Variants in KTN1 observed in about 807,000 individuals in gnomAD.
KTN1 encodes the protein kinectin.
Under a neutral mutation model 222.5 loss-of-function variants are expected in KTN1, and 130 were observed. That is an observed-to-expected ratio of 0.58 (90% CI 0.51 to 0.68). KTN1 has a LOEUF of 0.68. KTN1 is among the 30% of genes least tolerant of loss of function. The pLI, the probability that KTN1 is intolerant of heterozygous loss-of-function variation, is 0.00. For synonymous variants in KTN1, 512 were observed against 496.3 expected (o/e 1.03, Z -0.42); for missense variants, 1,508 against 1,500.4 (o/e 1.01, Z -0.08).
rs186747674 is a variant in KTN1 at position 55,636,148 on chromosome 14, A to G, written c.1462-301A>G. ...GGTTAGTGGGAAACAGGTTATTGCT[A>G]AGTGGATCAGATGTATATAGTAGTA... is the stretch of plus-strand genomic sequence containing the variant. On this transcript the variant is annotated intron_variant, in intron 9 of 43. Coordinates refer to ENST00000395314, the MANE Select transcript of KTN1 (RefSeq NM_001079521.2). Among the ~76,000 whole-genome samples, 66 of 152,334 alleles carry G rather than the reference A, an allele frequency of 4.3e-4. No individual in the cohort carries two copies. In the East Asian group the frequency reaches 0.012, roughly 28 times the overall value.
chr14:55,669,555 C>T (rs1047303459), intron 34 of KTN1, among the ~76,000 whole-genome samples: 1 of 151,716 alleles, frequency 6.6e-6, no homozygotes, highest in African/African-American at 2.4e-5. Flanking sequence ...TTTACTGTTT[C>T]CTCTTGCTGT....
chr14:55,633,639 TAATA>T (rs2040780966), intron 8 of KTN1, among the ~76,000 whole-genome samples: 1 of 151,958 alleles, frequency 6.6e-6, no homozygotes, highest in African/African-American at 2.4e-5. Flanking sequence ...ATAAACTATG[TAATA>T]AATACTAGTA....
At chr14:55,662,415 T>A (rs1301705508) in intron 32 of KTN1, among the ~76,000 whole-genome samples, 1 of 152,124 alleles carries the variant, frequency 6.6e-6, no homozygotes, top group Non-Finnish European at 1.5e-5. Context: ...TTTTGGTAAT[T>A]AAGTGTGTTA....
Position 55,684,192 on chromosome 14 carries a change from C to T in KTN1, c.*89C>T. Reference sequence around the variant, plus strand: ...AGCCTTATTTATGTTTTCACCCTTTCTACTTTGTCAGAAACACTGAACAGA... The same window carrying T: ...AGCCTTATTTATGTTTTCACCCTTTTTACTTTGTCAGAAACACTGAACAGA... On this transcript the variant is annotated 3_prime_UTR_variant, in exon 44 of 44. Coordinates refer to ENST00000395314, the MANE Select transcript of KTN1 (RefSeq NM_001079521.2). 3 of 1,011,960 alleles carry T rather than the reference C, an allele frequency of 3.0e-6. No individual in the cohort carries two copies. The highest frequency in any genetic ancestry group is 4.5e-6 in the Non-Finnish European group (3 of 672,498). The allele number at this position is 1,011,960 out of a possible 1,614,324, so 62.7% of individuals were successfully genotyped here.
At chr14:55,609,002 A>G (rs2140559136) in intron 1 of KTN1, among the ~76,000 whole-genome samples, 1 of 151,904 alleles carries the variant, frequency 6.6e-6, no homozygotes, top group Middle Eastern at 3.4e-3. Context: ...TTGTTGGGTT[A>G]AAGGAATGCA....
chr14:55,612,651 A>C, intron 2 of KTN1, 80 bp downstream of exon 2: 1 of 1,147,886 alleles, frequency 8.7e-7, no homozygotes, highest in Non-Finnish European at 1.2e-6. Flanking sequence ...AGGTACATAC[A>C]CAGAATGTTT....
At position 55,673,269 on chromosome 14, in the gene KTN1, C is replaced by G. The variant is rs759757139; in HGVS notation, c.3771+14C>G. The G allele has an allele frequency of 3.2e-6, 5 of 1,553,708 alleles. No individual in the cohort carries two copies. The highest frequency in any genetic ancestry group is 4.4e-6 in the Non-Finnish European group (5 of 1,125,908). ...GAGCTAAATTTGGTAAGAAGCTTGT[C>G]CTCCACTGGGTATCAAGTAGGCACT... On this transcript the variant is annotated intron_variant, in intron 40 of 43. Transcript: ENST00000395314.
rs755295921 is a variant in KTN1, at chr14:55,650,462, A to G, written c.2496+44A>G. Reference sequence around the variant, plus strand: ...CTGTGTTTTATGTTTTTGTTTATCAACTTTAGTTAATATCATTTAATTTCG... The same window carrying G: ...CTGTGTTTTATGTTTTTGTTTATCAGCTTTAGTTAATATCATTTAATTTCG... On this transcript the variant is annotated intron_variant, in intron 23 of 43. Transcript: ENST00000395314. The G allele has an allele frequency of 7.2e-6, 11 of 1,532,610 alleles. No homozygotes were observed. The East Asian group carries it at 1.4e-4, about 19-fold the overall frequency. The allele number at this position is 1,532,610 out of a possible 1,614,324, so 94.9% of individuals were successfully genotyped here. A position where few individuals can be genotyped will look rare whatever the true frequency, so the allele number is the denominator to read the frequency against.
chr14:55,599,449 G>A (rs1369275942), intron 1 of KTN1, among the ~76,000 whole-genome samples: 4 of 151,936 alleles, frequency 2.6e-5, no homozygotes, highest in Non-Finnish European at 5.9e-5. Flanking sequence ...CAGGGCTTTT[G>A]TGGCCATTGA....
Position 55,673,236 on chromosome 14 carries a change from AGAAT to A in KTN1, c.3756_3759del (p.Asn1252LysfsTer3), listed in dbSNP as rs1280280673. On this transcript the variant is annotated frameshift_variant, in exon 40 of 44. Transcript: ENST00000395314. LOFTEE classifies it high-confidence loss of function. ...GATTCATATTCTGAAGCAGTAAGAC[AGAAT>A]GAAGAGCTAAATTTGGTAAGAAGCT... The A allele has an allele frequency of 3.1e-6, 5 of 1,611,654 alleles. No homozygotes were observed. Among genetic ancestry groups the A allele is most frequent in the Non-Finnish European group, 4.2e-6 (5 of 1,178,250 alleles).
chr14:55,684,227 T>C lies in KTN1; in HGVS notation c.*124T>C, dbSNP rs2046599773. The C allele has an allele frequency of 1.4e-6, 1 of 694,126 alleles. No homozygotes were observed. The highest frequency in any genetic ancestry group is 2.9e-5 in the East Asian group (1 of 34,148). 43.0% of individuals were successfully genotyped at this position (694,126 alleles called of 1,614,324 possible). On this transcript the variant is annotated 3_prime_UTR_variant, in exon 44 of 44. Transcript: ENST00000395314. ...AGAAACACTGAACAGAGTTTTGTCT[T>C]TTCTAATCCTTGTTAGACTACTGAT...
chr14:55,612,684 T>G, intron 2 of KTN1, 113 bp downstream of exon 2: 1 of 862,360 alleles, frequency 1.2e-6, no homozygotes, highest in Non-Finnish European at 1.7e-6. Flanking sequence ...GAAACCATGA[T>G]TATTCATTTC....
At chr14:55,634,139 A>C (rs1224159548) in intron 8 of KTN1, among the ~76,000 whole-genome samples, 1 of 152,170 alleles carries the variant, frequency 6.6e-6, no homozygotes, top group Non-Finnish European at 1.5e-5. Flanking sequence ...GTCTCAAAAA[A>C]AAAAGACACT....
intron 24 of KTN1, among the ~76,000 whole-genome samples, chr14:55,650,899 G>A (rs2042870242): frequency 6.6e-6 from 1 of 152,060 alleles, no homozygotes; most frequent in Non-Finnish European, 1.5e-5. Flanking sequence ...AATTACAAAT[G>A]AAACACGAAA....
At chr14:55,603,210 T>A (rs1401352337) in intron 1 of KTN1, among the ~76,000 whole-genome samples, 2 of 152,150 alleles carry the variant, frequency 1.3e-5, no homozygotes, top group African/African-American at 4.8e-5. Flanking sequence ...ATTTCTCCCA[T>A]CTTTAAAAAC....
At position 55,675,966 on chromosome 14, in the gene KTN1, G is replaced by A. The variant is rs370329702; in HGVS notation, c.3855+48G>A. ...ATGTAGTATCATGAGCCTGTGTTGT[G>A]TGTTCAATCTTAAGCAAACTTATGC... is the stretch of plus-strand genomic sequence containing the variant. On this transcript the variant is annotated intron_variant, in intron 41 of 43. Coordinates refer to ENST00000395314, the MANE Select transcript of KTN1 (RefSeq NM_001079521.2). 222 of 1,307,842 alleles carry A rather than the reference G, an allele frequency of 1.7e-4. 1 individual carries two copies. Among genetic ancestry groups the A allele is most frequent in the Non-Finnish European group, 2.3e-4 (210 of 911,762 alleles). The allele number at this position is 1,307,842 out of a possible 1,614,324, so 81.0% of individuals were successfully genotyped here.
intron 12 of KTN1, among the ~76,000 whole-genome samples, chr14:55,638,796 A>G (rs1045308669): frequency 3.3e-5 from 5 of 151,856 alleles, no homozygotes; most frequent in African/African-American, 4.8e-5. Context: ...AAACATGAAC[A>G]TGGGTATTAC....
At chr14:55,635,096 G>T (rs1258143228) in intron 9 of KTN1, among the ~76,000 whole-genome samples, 1 of 152,212 alleles carries the variant, frequency 6.6e-6, no homozygotes, top group East Asian at 1.9e-4. Context: ...TTAATTTGAT[G>T]ACTTAAATGT....
intron 1 of KTN1, among the ~76,000 whole-genome samples, chr14:55,605,099 G>A (rs1290953816): frequency 6.6e-6 from 1 of 152,076 alleles, no homozygotes; most frequent in African/African-American, 2.4e-5. Flanking sequence ...ATGACATGTT[G>A]GAATTGTCTT....
Sources: gnomAD v4.1 joint callset for allele counts (sites outside exome capture counted in the v4.1 genomes callset) on GRCh38, gnomAD v4.1.1 for gene constraint, MANE v1.5 for transcripts, NCBI Gene and HGNC (gene_info 2026-07-23, HGNC 2026-07-21) for gene names.